ZPBP: variants seen among roughly 807,000 people sequenced by gnomAD.
ZPBP encodes zona pellucida binding protein.
ZPBP carries 26 observed loss-of-function variants against 44.8 expected under a neutral mutation model. The observed-to-expected ratio is 0.58, with a 90% CI of 0.43 to 0.81. The LOEUF is 0.81. Among genes scored for constraint, ZPBP ranks in the 30% least tolerant of loss-of-function variants. The pLI is 0.00. For missense variants in ZPBP, 409 were observed against 434.0 expected, an observed-to-expected ratio of 0.94 and a Z score of 0.51; for synonymous variants, 174 against 153.2, an observed-to-expected ratio of 1.14 and a Z score of -1.00.
intron 1 of ZPBP, among the ~76,000 whole-genome samples, chr7:49,902,373 T>C (rs779007155): frequency 3.0e-4 from 45 of 152,142 alleles, no homozygotes; most frequent in South Asian, 6.2e-4. Flanking sequence ...ATCTATTGTA[T>C]TGTGAAGAGG....
At chr7:49,935,161 A>G (rs770240276), downstream of ZPBP, among the ~76,000 whole-genome samples, 5 of 152,288 alleles carry the variant, frequency 3.3e-5, 1 homozygote, top group South Asian at 6.2e-4. Context: ...TAGAACTTTA[A>G]TGATCTATTC....
intron 7 of ZPBP, among the ~76,000 whole-genome samples, chr7:49,968,891 A>G (rs1358681388): frequency 2.6e-5 from 4 of 151,976 alleles, no homozygotes; most frequent in Non-Finnish European, 5.9e-5. Context: ...ATCGTCATAT[A>G]AAACTATAAG....
chr7:50,005,529 G>C (rs1479402627), intron 6 of ZPBP, among the ~76,000 whole-genome samples: 1 of 152,006 alleles, frequency 6.6e-6, no homozygotes, highest in Non-Finnish European at 1.5e-5. Context: ...TTTTGCACAT[G>C]ACTGACATTA....
At chr7:49,957,530 C>T (rs1795662609) in intron 7 of ZPBP, among the ~76,000 whole-genome samples, 1 of 152,200 alleles carries the variant, frequency 6.6e-6, no homozygotes, top group African/African-American at 2.4e-5. Context: ...AGGCCCCAGA[C>T]AGGACTTGAG....
chr7:50,031,409 T>A lies in ZPBP; in HGVS notation c.488-99A>T, dbSNP rs1369306472. On this transcript the variant is annotated intron_variant, in intron 4 of 7. Coordinates refer to ENST00000046087, the MANE Select transcript of ZPBP (RefSeq NM_007009.3). ...AAATATCATTATTTGGTATGAATTC[T>A]TGGTACATGTTTTTAGATATAATTA... The A allele has an allele frequency of 4.4e-6, 4 of 904,936 alleles. No homozygotes were observed. In the African/African-American group the frequency reaches 5.1e-5, roughly 12 times the overall value. The allele number at this position is 904,936 out of a possible 1,614,324, so 56.1% of individuals were successfully genotyped here. A position where few individuals can be genotyped will look rare whatever the true frequency, so the allele number is the denominator to read the frequency against.
intron 7 of ZPBP, among the ~76,000 whole-genome samples, chr7:49,939,407 T>C (rs927796492): frequency 6.6e-6 from 1 of 152,206 alleles, no homozygotes; most frequent in African/African-American, 2.4e-5. Flanking sequence ...ATATAGTTCC[T>C]ATGTGTAGCA....
chr7:49,972,717 A>G (rs1180668034), intron 7 of ZPBP, among the ~76,000 whole-genome samples: 7 of 152,116 alleles, frequency 4.6e-5, no homozygotes, highest in African/African-American at 1.7e-4. Context: ...TTTGCAAAAA[A>G]TAGGAAACCT....
chr7:49,980,947 T>C lies in ZPBP; in HGVS notation c.961+2395A>G, dbSNP rs1035460896. 2.0e-5 allele frequency among the ~76,000 whole-genome samples: 3 copies of C among 151,748 alleles called. No individual in the cohort carries two copies. The Admixed American group carries it at 2.0e-4, about 10-fold the overall frequency. ...TTTCATAAAATAGACTACTGACTAT[T>C]CCTTTTACTTTGTTTTCTTTGATTT... On this transcript the variant is annotated intron_variant, in intron 7 of 7. Transcript: ENST00000046087.
chr7:49,843,434 A>C, the ZPBP span, among the ~76,000 whole-genome samples: 1 of 152,206 alleles, frequency 6.6e-6, no homozygotes, highest in Admixed American at 6.5e-5. Flanking sequence ...ATATGTGCCA[A>C]TTTCTTATTC....
Position 49,991,542 on chromosome 7 carries a change from A to G in ZPBP, c.784-8023T>C, listed in dbSNP as rs181334982. ...ACTTTGCAATGTCGGGACAACTTCA[A>G]TCCTGAAGCAAAAAGCAAAACAATC... On this transcript the variant is annotated intron_variant, in intron 6 of 7. Transcript: ENST00000046087. Among the ~76,000 whole-genome samples, 9 of 152,278 alleles carry G rather than the reference A, an allele frequency of 5.9e-5. 1 individual carries two copies. Among genetic ancestry groups the G allele is most frequent in the African/African-American group, 2.4e-5 (1 of 41,574 alleles).
In ZPBP at chr7:50,057,975, A is replaced by T. The variant is rs371897427; in HGVS notation, c.487+14T>A. Reference sequence around the variant, plus strand: ...ATTAAGAAAGGTTAAAACACAACTAACTTTACTTCTTACCATATATAGCAT... The same window carrying T: ...ATTAAGAAAGGTTAAAACACAACTATCTTTACTTCTTACCATATATAGCAT... On this transcript the variant is annotated intron_variant, in intron 4 of 7. Transcript: ENST00000046087. 2.3e-5 allele frequency: 37 copies of T among 1,603,352 alleles called. No homozygotes were observed. Among genetic ancestry groups the T allele is most frequent in the Non-Finnish European group, 3.0e-5 (35 of 1,172,834 alleles).
At chr7:50,056,930 A>G (rs1800963009) in intron 4 of ZPBP, among the ~76,000 whole-genome samples, 1 of 152,130 alleles carries the variant, frequency 6.6e-6, no homozygotes, top group Non-Finnish European at 1.5e-5. Flanking sequence ...TCATGCCTGT[A>G]ATCCCAGCAC....
chr7:50,093,108 G>T lies in ZPBP; in HGVS notation c.87C>A (p.Leu29=). 6.3e-7 allele frequency: 1 copy of T among 1,593,770 alleles called. No homozygotes were observed. The change falls in exon 1 of 8, where the codon CTC becomes CTA. Residue 29 remains leucine (L), a synonymous_variant. Coordinates refer to ENST00000046087, the MANE Select transcript of ZPBP (RefSeq NM_007009.3). ...AGSLLSRAAI[L]LFISAFLVRV... ...GCACCAGGAAGGCGGAGATAAAGAGGAGGATGGCGGCCCGAGAGAGCAGGG... is the reference window on the plus strand; with the variant it reads ...GCACCAGGAAGGCGGAGATAAAGAGTAGGATGGCGGCCCGAGAGAGCAGGG...
At chr7:49,856,316 G>C (rs1282946246) in intron 2 of ZPBP, among the ~76,000 whole-genome samples, 1 of 152,080 alleles carries the variant, frequency 6.6e-6, no homozygotes, top group Non-Finnish European at 1.5e-5. Flanking sequence ...AAATCTGGTT[G>C]TTTAGAGAGT....
At chr7:50,084,887 G>GA (rs531344552) in intron 2 of ZPBP, among the ~76,000 whole-genome samples, 14 of 151,920 alleles carry the variant, frequency 9.2e-5, no homozygotes, top group South Asian at 8.3e-4. Context: ...GAAATTATCA[G>GA]AAAAAACATT....
the ZPBP span, among the ~76,000 whole-genome samples, chr7:49,844,209 A>G: frequency 6.6e-6 from 1 of 152,244 alleles, no homozygotes; most frequent in African/African-American, 2.4e-5. Flanking sequence ...CATGCATGCT[A>G]GTAGAGAATA....
intron 4 of ZPBP, among the ~76,000 whole-genome samples, chr7:50,037,174 T>C (rs1330584001): frequency 6.6e-6 from 1 of 152,148 alleles, no homozygotes; most frequent in East Asian, 1.9e-4. Flanking sequence ...TACTAAAAAA[T>C]AACTGTGGGA....
At chr7:49,945,170 ATTCAT>A (rs1464079857) in intron 7 of ZPBP, among the ~76,000 whole-genome samples, 5 of 152,058 alleles carry the variant, frequency 3.3e-5, no homozygotes, top group African/African-American at 1.2e-4. Flanking sequence ...TCCTCTTGTT[ATTCAT>A]TTCTAGTTTT....
rs566443163 is a variant in ZPBP at position 49,970,101 on chromosome 7, TCCAC to T, written c.961+13237_961+13240del. The stretch of plus-strand genomic sequence containing the variant: ...ATCTCGAACTCCCGACCTCAAGTGA[TCCAC>T]CCACCTCAGCCTCCCAAAGTTCTGG... On this transcript the variant is annotated intron_variant, in intron 7 of 7. Coordinates refer to ENST00000046087, the MANE Select transcript of ZPBP (RefSeq NM_007009.3). Among the ~76,000 whole-genome samples, 5 of 152,154 alleles carry T rather than the reference TCCAC, an allele frequency of 3.3e-5. No homozygotes were observed. In the South Asian group the frequency reaches 1.0e-3, roughly 32 times the overall value.
Sources: allele counts gnomAD v4.1 joint callset (sites outside exome capture counted in the v4.1 genomes callset), GRCh38; gene constraint gnomAD v4.1.1; transcripts MANE v1.5; gene names NCBI Gene and HGNC (gene_info 2026-07-23, HGNC 2026-07-21).